The following HERC4 variants were observed in gnomAD, a reference collection of about 807,000 sequenced individuals.
HERC4 encodes HECT and RLD domain containing E3 ubiquitin protein ligase 4.
In HERC4, 28 loss-of-function variants were observed where a neutral mutation model predicts 124.3. The ratio of observed to expected loss-of-function variants is 0.23; its 90% confidence interval spans 0.17 to 0.31. HERC4 has a LOEUF of 0.31. HERC4 is among the 10% of genes least tolerant of loss of function. The pLI is 1.00. For missense variants in HERC4, 713 were observed against 1,229.3 expected (o/e 0.58, Z 6.28); for synonymous variants, 407 against 421.5 (o/e 0.97, Z 0.42).
intron 4 of HERC4, chr10:68,039,706 A>T (rs1461596976): frequency 1.5e-6 from 2 of 1,352,620 alleles, no homozygotes; most frequent in East Asian, 5.7e-5. Flanking sequence ...TAGCAAAATC[A>T]AACACTGGCA....
Position 68,034,063 on chromosome 10 carries a change from G to A in HERC4, c.587C>T (p.Ala196Val). ...TACAAAACTATGGGCTCCTCCTGCTGCAACTTGCATGAAAGGGATTCCAAG... is the reference window on the plus strand; with the variant it reads ...TACAAAACTATGGGCTCCTCCTGCTACAACTTGCATGAAAGGGATTCCAAG... ...SLLGIPFMQV[A>V]AGGAHSFVLT... The change falls in exon 6 of 25, where the codon GCA becomes GTA. Residue 196 changes from alanine (A) to valine (V), a missense_variant. Ala to Val is a moderately conservative substitution (Grantham distance 64). Coordinates refer to ENST00000373700, the MANE Select transcript of HERC4 (RefSeq NM_015601.4). 6.2e-7 allele frequency: 1 copy of A among 1,614,102 alleles called. No individual in the cohort carries two copies. Among genetic ancestry groups the A allele is most frequent in the Non-Finnish European group, 8.5e-7 (1 of 1,180,016 alleles).
At chr10:67,971,068 T>G (rs1029737173) in intron 15 of HERC4, among the ~76,000 whole-genome samples, 2 of 152,086 alleles carry the variant, frequency 1.3e-5, no homozygotes, top group African/African-American at 4.8e-5. Flanking sequence ...CATGATTACA[T>G]AGATATCTTG....
intron 15 of HERC4, among the ~76,000 whole-genome samples, chr10:67,985,769 T>A (rs1290588335): frequency 1.3e-5 from 2 of 152,232 alleles, no homozygotes; most frequent in African/African-American, 4.8e-5. Flanking sequence ...TATTTTCTTA[T>A]GATGCCATTT....
rs537564227 is a variant in HERC4 at position 68,075,269 on chromosome 10, G to C, written c.-234C>G. The stretch of plus-strand genomic sequence containing the variant: ...GCGGAGAGCACCAGGGGTGGGGAGA[G>C]TTGGGGAAGAGACTGGGTAGGAGAA... On this transcript the variant is annotated 5_prime_UTR_variant, in exon 1 of 25. Coordinates refer to ENST00000373700, the MANE Select transcript of HERC4 (RefSeq NM_015601.4). 1 of 152,936 alleles carries C rather than the reference G, an allele frequency of 6.5e-6. No homozygotes were observed. Among genetic ancestry groups the C allele is most frequent in the East Asian group, 1.9e-4 (1 of 5,176 alleles). The allele number at this position is 152,936 out of a possible 1,614,324, so 9.5% of individuals were successfully genotyped here. A position where few individuals can be genotyped will look rare whatever the true frequency, so the allele number is the denominator to read the frequency against.
intron 9 of HERC4, chr10:68,010,764 C>T (rs2037902023): frequency 6.7e-7 from 1 of 1,492,518 alleles, no homozygotes; most frequent in Non-Finnish European, 9.2e-7. Context: ...CCAAATAGAA[C>T]CCCCAGGGTA....
At chr10:67,932,510 A>T in intron 23 of HERC4, 87 bp downstream of exon 23, 1 of 1,156,498 alleles carries the variant, frequency 8.6e-7, no homozygotes, top group Non-Finnish European at 1.2e-6. Flanking sequence ...AATAAAGTGT[A>T]TAAAATAAAA....
chr10:68,034,450 A>G (rs586540), intron 5 of HERC4, among the ~76,000 whole-genome samples: 69,410 of 151,916 alleles, frequency 0.46, 17,366 homozygotes, highest in East Asian at 0.85. Context: ...ATAACAAGGA[A>G]TAATCTCATT....
chr10:67,927,430 A>ATTT (rs373401588), intron 23 of HERC4, among the ~76,000 whole-genome samples: 59 of 37,880 alleles, frequency 1.6e-3, no homozygotes, highest in South Asian at 5.2e-3. Flanking sequence ...ATATATATAT[A>ATTT]TTTTTTTTTT....
At chr10:68,055,622 G>A (rs1034047614) in intron 3 of HERC4, among the ~76,000 whole-genome samples, 7 of 152,024 alleles carry the variant, frequency 4.6e-5, no homozygotes, top group Non-Finnish European at 8.8e-5. Context: ...ACAGATAAAG[G>A]CACTAAGTTA....
chr10:67,968,498 G>C lies in HERC4; in HGVS notation c.1807-1696C>G, dbSNP rs984721924. ...TGCCATTCTCCTGCCACAGCCTCCTGAGTAGCTGGGACTACAGGCGCCCAC... is the reference window on the plus strand; with the variant it reads ...TGCCATTCTCCTGCCACAGCCTCCTCAGTAGCTGGGACTACAGGCGCCCAC... On this transcript the variant is annotated intron_variant, in intron 15 of 24. Transcript: ENST00000373700. Among the ~76,000 whole-genome samples the C allele has an allele frequency of 2.6e-5, 4 of 151,538 alleles. No homozygotes were observed. The East Asian group carries it at 7.8e-4, about 29-fold the overall frequency.
At chr10:67,933,313 T>A (rs1304117216) in intron 22 of HERC4, among the ~76,000 whole-genome samples, 2 of 152,116 alleles carry the variant, frequency 1.3e-5, no homozygotes, top group Non-Finnish European at 2.9e-5. Context: ...AGAGTACAAG[T>A]GTAGTTTCTT....
intron 15 of HERC4, among the ~76,000 whole-genome samples, chr10:67,978,936 C>A (rs1440003532): frequency 1.3e-5 from 2 of 152,162 alleles, no homozygotes; most frequent in Non-Finnish European, 2.9e-5. Flanking sequence ...CCAACTAAAG[C>A]AGATACAGCT....
intron 23 of HERC4, among the ~76,000 whole-genome samples, chr10:67,927,406 AT>A (rs2031163308): frequency 1.1e-4 from 1 of 9,336 alleles, no homozygotes; most frequent in East Asian, 1.5e-3. Context: ...ATATATATAT[AT>A]ATATATATAT....
chr10:68,056,482 G>A (rs2040555631), intron 3 of HERC4, among the ~76,000 whole-genome samples: 1 of 152,176 alleles, frequency 6.6e-6, no homozygotes, highest in South Asian at 2.1e-4. Flanking sequence ...ATTGTAATGG[G>A]AAGACAGCGA....
intron 9 of HERC4, among the ~76,000 whole-genome samples, chr10:68,013,813 C>G (rs1332382368): frequency 6.6e-6 from 1 of 152,210 alleles, no homozygotes; most frequent in Non-Finnish European, 1.5e-5. Context: ...ATGACCCACT[C>G]TCTGTAAGTA....
At chr10:67,934,318 T>C (rs1296982201) in intron 22 of HERC4, among the ~76,000 whole-genome samples, 1 of 152,230 alleles carries the variant, frequency 6.6e-6, no homozygotes, top group Non-Finnish European at 1.5e-5. Flanking sequence ...TTTAGTTTGC[T>C]AATTCATCGC....
intron 23 of HERC4, among the ~76,000 whole-genome samples, chr10:67,927,392 A>ATTTTTT (rs2031122192): frequency 1.2e-5 from 1 of 84,808 alleles, no homozygotes. Context: ...ATATATATAT[A>ATTTTTT]TATATATATA....
intron 7 of HERC4, among the ~76,000 whole-genome samples, chr10:68,031,819 T>G (rs2039220682): frequency 6.6e-6 from 1 of 152,112 alleles, no homozygotes; most frequent in African/African-American, 2.4e-5. Context: ...AGTGGTGTGA[T>G]CTCAACTCAC....
At chr10:68,067,243 CA>C (rs1220746539) in intron 3 of HERC4, 4 of 152,586 alleles carry the variant, frequency 2.6e-5, no homozygotes, top group African/African-American at 9.7e-5. Context: ...TATTATTATA[CA>C]TTTCTCTAAC....
Sources: gnomAD v4.1 joint callset for allele counts (sites outside exome capture counted in the v4.1 genomes callset) on GRCh38, gnomAD v4.1.1 for gene constraint, MANE v1.5 for transcripts, NCBI Gene and HGNC (gene_info 2026-07-23, HGNC 2026-07-21) for gene names.